The following EIF4G3 variants were observed in gnomAD, a reference collection of about 807,000 sequenced individuals.
The protein encoded by EIF4G3 is eIF-4-gamma 3.
EIF4G3 carries 34 observed loss-of-function variants against 186.4 expected under a neutral mutation model. The observed-to-expected ratio is 0.18, with a 90% CI of 0.14 to 0.24. EIF4G3 has a LOEUF of 0.24. Among genes scored for constraint, EIF4G3 ranks in the 10% least tolerant of loss-of-function variants. EIF4G3 has a pLI of 1.00. For synonymous variants in EIF4G3, 673 were observed against 679.5 expected (o/e 0.99, Z 0.15); for missense variants, 1,536 against 1,948.5 (o/e 0.79, Z 3.99).
chr1:21,051,637 A>C (rs186429597), intron 3 of EIF4G3, among the ~76,000 whole-genome samples: 2 of 152,328 alleles, frequency 1.3e-5, no homozygotes, highest in East Asian at 1.9e-4. Flanking sequence ...AGACTGCTTA[A>C]GAACAGAAGT....
chr1:20,824,171 C>T lies in EIF4G3; in HGVS notation c.4368+929G>A, dbSNP rs538670627. Among the ~76,000 whole-genome samples the T allele has an allele frequency of 2.6e-5, 4 of 152,332 alleles. No individual in the cohort carries two copies. The South Asian group carries it at 8.3e-4, about 32-fold the overall frequency. On this transcript the variant is annotated intron_variant, in intron 33 of 36. Coordinates refer to ENST00000602326, the MANE Select transcript of EIF4G3 (RefSeq NM_001391906.1). ...CTTTTTGTCCCTTTGAAGGAAATTA[C>T]TTCCACCTCTTCTAAGTCCAGTAAC...
chr1:21,068,375 T>TAAAAAAAAAGAA, intron 3 of EIF4G3, among the ~76,000 whole-genome samples: 1 of 67,832 alleles, frequency 1.5e-5, no homozygotes, highest in Non-Finnish European at 2.9e-5. Flanking sequence ...ACTCTGTCTT[T>TAAAAAAAAAGAA]AAAAAAAAAA....
At chr1:21,114,259 G>C (rs1016091698) in intron 2 of EIF4G3, among the ~76,000 whole-genome samples, 15 of 151,402 alleles carry the variant, frequency 9.9e-5, no homozygotes, top group Non-Finnish European at 1.9e-4. Context: ...CCATTCTCCT[G>C]CCTCAGCCTC....
chr1:21,145,721 T>A (rs918278399), intron 2 of EIF4G3, among the ~76,000 whole-genome samples: 3 of 152,110 alleles, frequency 2.0e-5, no homozygotes, highest in African/African-American at 7.2e-5. Flanking sequence ...AGGAATAAAA[T>A]TTGGTTACTT....
chr1:20,843,454 T>C (rs568545123), intron 29 of EIF4G3, among the ~76,000 whole-genome samples: 1 of 151,620 alleles, frequency 6.6e-6, no homozygotes, highest in African/African-American at 2.4e-5. Context: ...GAGGCGGAGG[T>C]TGCAGTGAGC....
chr1:20,841,047 A>C lies in EIF4G3; in HGVS notation c.3889-19T>G. ...TGGCTTCCTGTTCCAACAGCAAAGA[A>C]AGGTTTACTCCAAAATCTGAATAGT... is the stretch of plus-strand genomic sequence containing the variant. On this transcript the variant is annotated intron_variant, in intron 29 of 36. Transcript: ENST00000602326. 1 of 1,612,608 alleles carries C rather than the reference A, an allele frequency of 6.2e-7. No individual in the cohort carries two copies. The highest frequency in any genetic ancestry group is 8.5e-7 in the Non-Finnish European group (1 of 1,179,186).
chr1:20,881,035 G>C (rs2082169739), intron 19 of EIF4G3, among the ~76,000 whole-genome samples: 1 of 151,936 alleles, frequency 6.6e-6, no homozygotes, highest in African/African-American at 2.4e-5. Context: ...AAATAATTTT[G>C]AAGAAAAACA....
chr1:20,939,754 A>C (rs1056982880), intron 14 of EIF4G3, among the ~76,000 whole-genome samples: 42 of 152,114 alleles, frequency 2.8e-4, no homozygotes, highest in Admixed American at 6.5e-4. Flanking sequence ...ATGAAAATGA[A>C]CATTGAAGTG....
intron 2 of EIF4G3, among the ~76,000 whole-genome samples, chr1:21,145,571 C>T (rs1008523741): frequency 6.6e-6 from 1 of 152,026 alleles, no homozygotes; most frequent in African/African-American, 2.4e-5. Flanking sequence ...AGCTATGCTA[C>T]GTGTTTTATC....
rs372253433 is a variant in EIF4G3 at position 21,130,989 on chromosome 1, T to C, written c.-271-41776A>G. ...GGCTCATACCTATAATCCCAGCACT[T>C]TGGGATTTGGGAGGTCAAGGTGGGT... On this transcript the variant is annotated intron_variant, in intron 2 of 36. Transcript: ENST00000602326. Among the ~76,000 whole-genome samples, 9 of 151,960 alleles carry C rather than the reference T, an allele frequency of 5.9e-5. No homozygotes were observed. The East Asian group carries it at 7.7e-4, about 13-fold the overall frequency.
chr1:20,855,541 GA>G (rs1313575433), intron 25 of EIF4G3, among the ~76,000 whole-genome samples: 1 of 152,180 alleles, frequency 6.6e-6, no homozygotes, highest in African/African-American at 2.4e-5. Flanking sequence ...AGAATAAGAA[GA>G]AAGAGATTGG....
chr1:20,932,577 T>G (rs1019636652), intron 14 of EIF4G3, among the ~76,000 whole-genome samples: 9 of 152,108 alleles, frequency 5.9e-5, no homozygotes, highest in African/African-American at 1.9e-4. Flanking sequence ...ATACCCTAAT[T>G]TCAATATTGT....
chr1:20,822,355 CTTTTTTTTT>C (rs57050580), intron 33 of EIF4G3, among the ~76,000 whole-genome samples: 3 of 65,048 alleles, frequency 4.6e-5, no homozygotes, highest in African/African-American at 1.8e-4. Flanking sequence ...AAAGAACCAG[CTTTTTTTTT>C]TTTTTTTTTT....
In EIF4G3 at chr1:21,158,169, CTTTTTTTTTTTTT is replaced by C. The variant is rs71014163; in HGVS notation, c.-272+17993_-272+18005del. ...AACTCTCTCTTTAACAAATACATAGCTTTTTTTTTTTTTTTTTTTTTTTTGAGGCAAGATCTCA... is the reference window on the plus strand; with the variant it reads ...AACTCTCTCTTTAACAAATACATAGCTTTTTTTTTTTGAGGCAAGATCTCA... On this transcript the variant is annotated intron_variant, in intron 2 of 36. Transcript: ENST00000602326. 5.0e-5 allele frequency among the ~76,000 whole-genome samples: 5 copies of C among 99,528 alleles called. 1 individual carries two copies. Among genetic ancestry groups the C allele is most frequent in the African/African-American group, 2.2e-4 (5 of 22,706 alleles). The allele number at this position is 99,528 out of a possible 152,430, so 65.3% of individuals were successfully genotyped here. A position where few individuals can be genotyped will look rare whatever the true frequency, so the allele number is the denominator to read the frequency against.
intron 6 of EIF4G3, among the ~76,000 whole-genome samples, 190 bp from the exon 7 acceptor site, chr1:20,997,823 T>C (rs761010218): frequency 2.0e-5 from 3 of 151,890 alleles, no homozygotes; most frequent in African/African-American, 4.8e-5. Context: ...ATTCAACAGG[T>C]TAACAGCACT....
chr1:20,914,113 T>C (rs937980360), intron 14 of EIF4G3, among the ~76,000 whole-genome samples: 4 of 152,044 alleles, frequency 2.6e-5, no homozygotes, highest in African/African-American at 9.7e-5. Flanking sequence ...CTGCCTTTTT[T>C]TTTTTCTTTT....
At chr1:20,947,330 C>G (rs909521178) in intron 13 of EIF4G3, among the ~76,000 whole-genome samples, 1 of 149,806 alleles carries the variant, frequency 6.7e-6, no homozygotes, top group African/African-American at 2.5e-5. Context: ...GGTGATAGAA[C>G]GAAACCCTGT....
At chr1:21,101,938 AAAGTTAT>A (rs1356893430) in intron 2 of EIF4G3, among the ~76,000 whole-genome samples, 5 of 152,160 alleles carry the variant, frequency 3.3e-5, no homozygotes, top group Admixed American at 1.3e-4. Flanking sequence ...GCCATCTGTT[AAAGTTAT>A]AAGTTATATA....
At chr1:20,868,951 A>G (rs1373500329) in intron 20 of EIF4G3, among the ~76,000 whole-genome samples, 1 of 152,220 alleles carries the variant, frequency 6.6e-6, no homozygotes, top group East Asian at 1.9e-4. Flanking sequence ...TTCTTCAAGC[A>G]ACAGGGCCTA....
Sources: gnomAD v4.1 joint callset for allele counts (sites outside exome capture counted in the v4.1 genomes callset) on GRCh38, gnomAD v4.1.1 for gene constraint, MANE v1.5 for transcripts, NCBI Gene and HGNC (gene_info 2026-07-23, HGNC 2026-07-21) for gene names.